SAMD8: variants seen among roughly 807,000 people sequenced by gnomAD.
SAMD8 encodes the protein sphingomyelin synthase-related protein 1.
In SAMD8, 20 loss-of-function variants were observed where a neutral mutation model predicts 42.0. That is an observed-to-expected ratio of 0.48 (90% CI 0.34 to 0.69). The LOEUF is 0.69. SAMD8 is among the 30% of genes least tolerant of loss of function. SAMD8 has a pLI of 0.01. For missense variants in SAMD8, 328 were observed against 511.6 expected (o/e 0.64, Z 3.46); for synonymous variants, 162 against 173.0 (o/e 0.94, Z 0.50).
At chr10:75,126,930 G>A (rs900476788) in intron 1 of SAMD8, among the ~76,000 whole-genome samples, 1 of 151,168 alleles carries the variant, frequency 6.6e-6, no homozygotes, top group Non-Finnish European at 1.5e-5. Flanking sequence ...GCTCACACCT[G>A]TAATCCCAGC....
intron 1 of SAMD8, among the ~76,000 whole-genome samples, chr10:75,142,893 C>G (rs775407883): frequency 6.6e-6 from 1 of 152,216 alleles, no homozygotes; most frequent in Non-Finnish European, 1.5e-5. Flanking sequence ...TGAATGAGGA[C>G]AGCATCCTCT....
At chr10:75,105,104 G>T (rs1461648288) in intron 1 of SAMD8, among the ~76,000 whole-genome samples, 1 of 152,138 alleles carries the variant, frequency 6.6e-6, no homozygotes, top group Non-Finnish European at 1.5e-5. Flanking sequence ...GGCCCTGCTG[G>T]GTGGGGAGCC....
chr10:75,112,942 C>G (rs149495655), intron 1 of SAMD8, among the ~76,000 whole-genome samples: 1 of 152,318 alleles, frequency 6.6e-6, no homozygotes, highest in Admixed American at 6.5e-5. Flanking sequence ...AATACCAAAT[C>G]TTCCTCTCAC....
intron 1 of SAMD8, among the ~76,000 whole-genome samples, chr10:75,122,493 A>G (rs1333299151): frequency 1.3e-5 from 2 of 151,978 alleles, no homozygotes; most frequent in Non-Finnish European, 2.9e-5. Context: ...GGCACCAGTA[A>G]TCCCAGCTAC....
At chr10:75,146,143 G>A (rs1840125085) in intron 1 of SAMD8, among the ~76,000 whole-genome samples, 1 of 152,068 alleles carries the variant, frequency 6.6e-6, no homozygotes, top group Admixed American at 6.6e-5. Context: ...AGCCTGCCAG[G>A]CCTCACATGA....
At chr10:75,139,673 C>G (rs996260243) in intron 1 of SAMD8, among the ~76,000 whole-genome samples, 2 of 152,116 alleles carry the variant, frequency 1.3e-5, no homozygotes, top group Admixed American at 1.3e-4. Flanking sequence ...TTCAAATTTT[C>G]TGTTCTTCAG....
At chr10:75,102,453 A>G (rs536901947) in intron 1 of SAMD8, among the ~76,000 whole-genome samples, 1 of 152,218 alleles carries the variant, frequency 6.6e-6, no homozygotes, top group African/African-American at 2.4e-5. Flanking sequence ...AAAAAGAAAA[A>G]AAGAAAAAAC....
rs1279080284 is a variant in SAMD8 at position 75,179,874 on chromosome 10, T to A, written c.*3182T>A. ...TGTATTTGGTTCTGTAGTTGCAGAC[T>A]TGTGAAGGCTTACATCATCATGGAG... On this transcript the variant is annotated 3_prime_UTR_variant, in exon 6 of 6. Coordinates refer to ENST00000542569, the MANE Select transcript of SAMD8 (RefSeq NM_001174156.2). The A allele has an allele frequency of 6.6e-6, 1 of 152,226 alleles. No individual in the cohort carries two copies. Among genetic ancestry groups the A allele is most frequent in the Non-Finnish European group, 1.5e-5 (1 of 68,034 alleles). The allele number at this position is 152,226 out of a possible 1,614,324, so 9.4% of individuals were successfully genotyped here. A position where few individuals can be genotyped will look rare whatever the true frequency, so the allele number is the denominator to read the frequency against.
intron 1 of SAMD8, among the ~76,000 whole-genome samples, chr10:75,128,578 G>A (rs1019288791): frequency 6.6e-6 from 1 of 152,102 alleles, no homozygotes; most frequent in African/African-American, 2.4e-5. Context: ...AATACATATG[G>A]TATTGTTCCA....
At chr10:75,108,191 G>T, upstream of SAMD8, 1 of 1,606,712 alleles carries the variant, frequency 6.2e-7, no homozygotes, top group South Asian at 1.1e-5. Flanking sequence ...ACAGCTCAAA[G>T]CGGTTGTTTG....
chr10:75,175,008 T>C (rs1840959278), intron 4 of SAMD8, among the ~76,000 whole-genome samples: 1 of 152,244 alleles, frequency 6.6e-6, no homozygotes, highest in Non-Finnish European at 1.5e-5. Flanking sequence ...CTTTCTGGTC[T>C]GCTATCCCAA....
intron 4 of SAMD8, among the ~76,000 whole-genome samples, chr10:75,175,571 CAG>C (rs1344301548): frequency 1.3e-4 from 20 of 151,618 alleles, no homozygotes; most frequent in Non-Finnish European, 2.4e-4. Context: ...TTTTTTGAGA[CAG>C]AGTCTTACTG....
intron 1 of SAMD8, among the ~76,000 whole-genome samples, chr10:75,149,541 C>T (rs1344441017): frequency 6.6e-6 from 1 of 152,112 alleles, no homozygotes; most frequent in Non-Finnish European, 1.5e-5. Flanking sequence ...AAATATATGT[C>T]TAGTTTAAAG....
chr10:75,119,115 T>C (rs1848947736), intron 1 of SAMD8, among the ~76,000 whole-genome samples: 1 of 152,210 alleles, frequency 6.6e-6, no homozygotes, highest in Admixed American at 6.5e-5. Context: ...ATTTGGAAGC[T>C]GTTTAACTTT....
At chr10:75,146,487 T>C (rs573180565) in intron 1 of SAMD8, among the ~76,000 whole-genome samples, 11 of 152,168 alleles carry the variant, frequency 7.2e-5, no homozygotes, top group African/African-American at 2.6e-4. Context: ...GGTTTCTGCA[T>C]GTTGGTCAGG....
intron 1 of SAMD8, among the ~76,000 whole-genome samples, chr10:75,113,870 G>A (rs1209132336): frequency 6.6e-6 from 1 of 152,160 alleles, no homozygotes; most frequent in Non-Finnish European, 1.5e-5. Flanking sequence ...GTCATGGCAT[G>A]TAAAAATTTG....
intron 1 of SAMD8, among the ~76,000 whole-genome samples, chr10:75,138,342 T>C (rs1039792229): frequency 2.0e-5 from 3 of 152,216 alleles, no homozygotes; most frequent in Non-Finnish European, 4.4e-5. Context: ...GTATTGAGAA[T>C]GTCCTGCAGC....
chr10:75,107,876 C>A, upstream of SAMD8: 1 of 1,279,418 alleles, frequency 7.8e-7, no homozygotes. Context: ...CACACACGGC[C>A]TAAGCAGAGG....
chr10:75,137,157 A>G (rs1446072018), intron 1 of SAMD8, among the ~76,000 whole-genome samples: 2 of 152,232 alleles, frequency 1.3e-5, no homozygotes, highest in African/African-American at 4.8e-5. Flanking sequence ...AATAGCCAGA[A>G]GATGAATGCA....
Sources: allele counts gnomAD v4.1 joint callset (sites outside exome capture counted in the v4.1 genomes callset), GRCh38; gene constraint gnomAD v4.1.1; transcripts MANE v1.5; gene names NCBI Gene and HGNC (gene_info 2026-07-23, HGNC 2026-07-21).